The following SLC29A3 variants were observed in gnomAD, a reference collection of about 807,000 sequenced individuals.
The protein encoded by SLC29A3 is equilibrative nucleoside transporter 3.
Under a neutral mutation model 25.4 loss-of-function variants are expected in SLC29A3, and 18 were observed. The observed-to-expected ratio is 0.71, with a 90% CI of 0.49 to 1.05. SLC29A3 has a LOEUF of 1.05. SLC29A3 is among the 50% of genes least tolerant of loss of function. SLC29A3 has a pLI of 0.00. For synonymous variants in SLC29A3, 258 were observed against 267.1 expected, an observed-to-expected ratio of 0.97 and a Z score of 0.33; for missense variants, 586 against 609.0, an observed-to-expected ratio of 0.96 and a Z score of 0.40.
At chr10:71,352,832 G>T (rs1291185742) in intron 4 of SLC29A3, 1 of 152,266 alleles carries the variant, frequency 6.6e-6, no homozygotes, top group Non-Finnish European at 1.5e-5. Flanking sequence ...AAAAGGAGCG[G>T]GTCAGGAACC....
intron 3 of SLC29A3, among the ~76,000 whole-genome samples, chr10:71,373,172 C>G (rs996868179): frequency 6.6e-6 from 1 of 152,172 alleles, no homozygotes; most frequent in Admixed American, 6.5e-5. Flanking sequence ...GGGAAATGAG[C>G]CATTACCAAC....
At chr10:71,373,631 C>G (rs1305426887) in intron 3 of SLC29A3, among the ~76,000 whole-genome samples, 2 of 152,214 alleles carry the variant, frequency 1.3e-5, no homozygotes, top group Non-Finnish European at 2.9e-5. Flanking sequence ...TTATTATTAT[C>G]CTGCCCTTAG....
intron 4 of SLC29A3, among the ~76,000 whole-genome samples, 173 bp downstream of exon 4, chr10:71,351,961 T>C (rs1390296681): frequency 6.6e-6 from 1 of 152,126 alleles, no homozygotes; most frequent in Non-Finnish European, 1.5e-5. Flanking sequence ...TACTCACAAA[T>C]TTGCAGCTTG....
intron 5 of SLC29A3, among the ~76,000 whole-genome samples, chr10:71,356,853 ACT>A (rs1846927289): frequency 1.3e-5 from 2 of 151,810 alleles, no homozygotes; most frequent in East Asian, 3.9e-4. Flanking sequence ...CAAAAGACAA[ACT>A]CACACTCCCC....
intron 3 of SLC29A3, among the ~76,000 whole-genome samples, chr10:71,370,942 T>G (rs2131858185): frequency 6.6e-6 from 1 of 152,186 alleles, no homozygotes; most frequent in African/African-American, 2.4e-5. Context: ...ATTATTTTAT[T>G]ATTTATTTTT....
chr10:71,326,249 A>G (rs1407159719), intron 2 of SLC29A3, among the ~76,000 whole-genome samples: 1 of 152,170 alleles, frequency 6.6e-6, no homozygotes, highest in Non-Finnish European at 1.5e-5. Flanking sequence ...GGAAGATATT[A>G]TAATACCACC....
chr10:71,356,342 G>T, intron 5 of SLC29A3, 99 bp downstream of exon 5: 1 of 1,455,522 alleles, frequency 6.9e-7, no homozygotes, highest in Non-Finnish European at 9.4e-7. Context: ...CTTTGTCTAG[G>T]TGCTATGGCT....
At chr10:71,375,537 T>G (rs146033283) in intron 3 of SLC29A3, among the ~76,000 whole-genome samples, 4 of 152,344 alleles carry the variant, frequency 2.6e-5, no homozygotes, top group African/African-American at 9.6e-5. Flanking sequence ...GTTTCTTACT[T>G]TCTATTTACG....
At chr10:71,363,450 T>C, downstream of SLC29A3, 1 of 404,464 alleles carries the variant, frequency 2.5e-6, no homozygotes. Flanking sequence ...ATTAGGCAAT[T>C]TGAGGATTTT....
intron 2 of SLC29A3, among the ~76,000 whole-genome samples, chr10:71,343,155 T>G (rs1487978815): frequency 1.3e-5 from 2 of 152,194 alleles, no homozygotes; most frequent in Non-Finnish European, 2.9e-5. Context: ...TTATTTTTTG[T>G]AGAGACAGAG....
intron 2 of SLC29A3, among the ~76,000 whole-genome samples, chr10:71,334,772 T>C (rs3781313): frequency 0.56 from 85,415 of 151,620 alleles, 26,043 homozygotes; most frequent in African/African-American, 0.82. Flanking sequence ...CCATCCCCAT[T>C]CATACTCCAG....
intron 3 of SLC29A3, among the ~76,000 whole-genome samples, chr10:71,346,926 G>A (rs1040408743): frequency 5.3e-5 from 8 of 152,170 alleles, no homozygotes; most frequent in African/African-American, 1.9e-4. Context: ...GGGCCCCCAG[G>A]CCAGCTACCC....
At chr10:71,347,277 T>G (rs1846616587) in intron 3 of SLC29A3, among the ~76,000 whole-genome samples, 1 of 152,166 alleles carries the variant, frequency 6.6e-6, no homozygotes, top group Non-Finnish European at 1.5e-5. Flanking sequence ...CTTGGAGACT[T>G]ATGAAGAAAT....
rs762572378 is a variant in SLC29A3, at chr10:71,362,315, C to G, written c.1135C>G (p.Leu379Val). The G allele has an allele frequency of 1.2e-6, 2 of 1,614,170 alleles. No homozygotes were observed. The highest frequency in any genetic ancestry group is 3.3e-5 in the Admixed American group (2 of 60,030). Residue 379 changes from leucine (L) to valine (V), a missense_variant, in exon 6 of 6, where the codon CTC becomes GTC. Physicochemically the swap from Leu to Val is conservative, Grantham distance 32. Coordinates refer to ENST00000373189, the MANE Select transcript of SLC29A3 (RefSeq NM_018344.6). ...GGTGCCAGGGCCCAATAGCAAGGCGCTCCCAGGGTTCGTGCTCCTCCGGAC... is the reference window on the plus strand; with the variant it reads ...GGTGCCAGGGCCCAATAGCAAGGCGGTCCCAGGGTTCGTGCTCCTCCGGAC... Reference protein sequence around the residue: ...IQVPGPNSKALPGFVLLRTCL... With the variant: ...IQVPGPNSKAVPGFVLLRTCL...
At chr10:71,377,306 A>G (rs1847260185) in intron 4 of SLC29A3, among the ~76,000 whole-genome samples, 1 of 152,138 alleles carries the variant, frequency 6.6e-6, no homozygotes, top group African/African-American at 2.4e-5. Flanking sequence ...GCAGTGACAC[A>G]CCAAGCGGGG....
intron 3 of SLC29A3, 38 bp downstream of exon 3, chr10:71,344,329 G>T: frequency 6.6e-7 from 1 of 1,510,864 alleles, no homozygotes; most frequent in Non-Finnish European, 9.2e-7. Flanking sequence ...CCTCTGCCTT[G>T]GTCTCCTGCC....
At chr10:71,321,225 G>A (rs1363346519) in intron 1 of SLC29A3, among the ~76,000 whole-genome samples, 4 of 152,162 alleles carry the variant, frequency 2.6e-5, no homozygotes, top group Admixed American at 2.6e-4. Context: ...AGGGGGCAAT[G>A]TTTTCTGCCC....
chr10:71,322,011 T>G (rs2131795472), intron 1 of SLC29A3, among the ~76,000 whole-genome samples: 1 of 152,340 alleles, frequency 6.6e-6, no homozygotes, highest in South Asian at 2.1e-4. Context: ...TTTTAAACAA[T>G]TATTACTTAA....
chr10:71,322,773 G>T lies in SLC29A3; in HGVS notation c.19G>T (p.Asp7Tyr), dbSNP rs760343292. Residue 7 changes from aspartate to tyrosine, a missense_variant, in exon 2 of 6, where the codon GAC becomes TAC. By Grantham distance (160) the Asp-to-Tyr change is radical. Coordinates refer to ENST00000373189, the MANE Select transcript of SLC29A3 (RefSeq NM_018344.6). ...TCCAATAGTGGCCGTTGTCTCAGAG[G>T]ACGACTTTCAGCACAGTTCAAACTC... Reference protein sequence around the residue: MAVVSEDDFQHSSNSTY... With the variant: MAVVSEYDFQHSSNSTY... 6.2e-7 allele frequency: 1 copy of T among 1,613,966 alleles called. No homozygotes were observed. The highest frequency in any genetic ancestry group is 8.5e-7 in the Non-Finnish European group (1 of 1,180,030).
Sources: allele counts gnomAD v4.1 joint callset (sites outside exome capture counted in the v4.1 genomes callset), GRCh38; gene constraint gnomAD v4.1.1; transcripts MANE v1.5; gene names NCBI Gene and HGNC (gene_info 2026-07-23, HGNC 2026-07-21).